The following PCDH9 variants were observed in gnomAD, a reference collection of about 807,000 sequenced individuals.
PCDH9 encodes the protein protocadherin 9, also known as protocadherin-9.
A neutral mutation model predicts 70.6 loss-of-function variants in PCDH9; 24 were observed. That is an observed-to-expected ratio of 0.34 (90% confidence interval 0.25 to 0.48). The LOEUF (loss-of-function observed/expected upper bound fraction) is 0.48. PCDH9 is among the 20% of genes least tolerant of loss of function. The pLI, the probability that PCDH9 is intolerant of heterozygous loss-of-function variation, is 0.99. For synonymous variants in PCDH9, 562 were observed against 558.5 expected, an observed-to-expected ratio of 1.01 and a Z score of -0.09; for missense variants, 1,281 against 1,503.6, an observed-to-expected ratio of 0.85 and a Z score of 2.45.
chr13:66,303,398 A>C lies in PCDH9; in HGVS notation c.*1257T>G, dbSNP rs901765564. On this transcript the variant is annotated 3_prime_UTR_variant, in exon 5 of 5. Transcript: ENST00000377865. Reference sequence around the variant, plus strand: ...TGATAACAAACAGTTAAACAGCAATAATTAGAGATTTATCCCTTTATTTCC... The same window carrying C: ...TGATAACAAACAGTTAAACAGCAATCATTAGAGATTTATCCCTTTATTTCC... 1.3e-5 allele frequency: 2 copies of C among 152,494 alleles called. No individual in the cohort carries two copies. The highest frequency in any genetic ancestry group is 4.8e-5 in the African/African-American group (2 of 41,444). The allele number at this position is 152,494 out of a possible 1,614,324, so 9.4% of individuals were successfully genotyped here. A position where few individuals can be genotyped will look rare whatever the true frequency, so the allele number is the denominator to read the frequency against.
At chr13:66,557,601 T>C (rs1961790778) in intron 4 of PCDH9, among the ~76,000 whole-genome samples, 1 of 152,194 alleles carries the variant, frequency 6.6e-6, no homozygotes, top group Non-Finnish European at 1.5e-5. Context: ...TTGCCCTCTG[T>C]ACTGGTTACA....
intron 3 of PCDH9, among the ~76,000 whole-genome samples, chr13:66,720,565 G>A (rs1464596094): frequency 1.3e-5 from 2 of 151,920 alleles, no homozygotes; most frequent in East Asian, 1.9e-4. Context: ...ATAAAAAATG[G>A]ACACTTTTTT....
chr13:66,800,102 G>A (rs2080302255), intron 3 of PCDH9, among the ~76,000 whole-genome samples: 1 of 151,994 alleles, frequency 6.6e-6, no homozygotes, highest in African/African-American at 2.4e-5. Flanking sequence ...ATAATATTTA[G>A]AATAAAATCC....
chr13:66,710,072 A>C (rs1180896669), intron 3 of PCDH9, among the ~76,000 whole-genome samples: 3 of 152,192 alleles, frequency 2.0e-5, no homozygotes, highest in African/African-American at 7.2e-5. Context: ...GAAGTTTACA[A>C]AAAGGAATAA....
intron 3 of PCDH9, among the ~76,000 whole-genome samples, chr13:66,653,515 A>C (rs1009836868): frequency 1.7e-4 from 26 of 152,146 alleles, no homozygotes; most frequent in Admixed American, 1.4e-3. Context: ...GCCATAACAA[A>C]ATGCTGGCGA....
chr13:67,018,271 AAATT>A (rs148670255), intron 2 of PCDH9, among the ~76,000 whole-genome samples: 1,680 of 152,300 alleles, frequency 0.011, 13 homozygotes, highest in Middle Eastern at 0.048. Context: ...ATAAATGGGT[AAATT>A]AATTGATTAA....
At chr13:66,483,092 G>C (rs1397487427) in intron 4 of PCDH9, among the ~76,000 whole-genome samples, 1 of 152,106 alleles carries the variant, frequency 6.6e-6, no homozygotes, top group Non-Finnish European at 1.5e-5. Context: ...AATATTCTTT[G>C]TGACTCATGT....
At chr13:66,577,463 T>C (rs1005368996) in intron 4 of PCDH9, among the ~76,000 whole-genome samples, 5 of 152,008 alleles carry the variant, frequency 3.3e-5, no homozygotes, top group Admixed American at 2.0e-4. Flanking sequence ...CAATATTATA[T>C]GAACTCTATA....
chr13:66,810,428 T>A (rs1481694534), intron 3 of PCDH9, among the ~76,000 whole-genome samples: 1 of 152,044 alleles, frequency 6.6e-6, no homozygotes, highest in East Asian at 1.9e-4. Context: ...GGATACGTCA[T>A]TTAAGTTCTC....
At chr13:67,045,369 T>A (rs2085202804) in intron 2 of PCDH9, among the ~76,000 whole-genome samples, 1 of 152,112 alleles carries the variant, frequency 6.6e-6, no homozygotes, top group South Asian at 2.1e-4. Context: ...TTCAGTCCTT[T>A]CTCTTTTCCA....
chr13:66,485,788 C>A (rs1958929203), intron 4 of PCDH9, among the ~76,000 whole-genome samples: 1 of 151,704 alleles, frequency 6.6e-6, no homozygotes, highest in Non-Finnish European at 1.5e-5. Flanking sequence ...GTTTCCCAGG[C>A]TGGAGTGCAA....
chr13:67,006,247 A>AAAC (rs1352010639), intron 2 of PCDH9, among the ~76,000 whole-genome samples: 3 of 149,804 alleles, frequency 2.0e-5, no homozygotes, highest in Non-Finnish European at 4.5e-5. Flanking sequence ...AACAAACAAA[A>AAAC]AAATTGGATC....
At chr13:66,439,361 A>T (rs553469751) in intron 4 of PCDH9, among the ~76,000 whole-genome samples, 1 of 152,204 alleles carries the variant, frequency 6.6e-6, no homozygotes, top group Non-Finnish European at 1.5e-5. Flanking sequence ...TAAAAAATAA[A>T]GTACATCCTG....
chr13:67,161,929 A>C (rs2087973884), intron 2 of PCDH9, among the ~76,000 whole-genome samples: 2 of 152,174 alleles, frequency 1.3e-5, no homozygotes, highest in Non-Finnish European at 2.9e-5. Context: ...GATAACTGTG[A>C]TATTCTGTGG....
intron 3 of PCDH9, among the ~76,000 whole-genome samples, chr13:66,820,995 A>T (rs1322652196): frequency 1.3e-5 from 2 of 151,968 alleles, no homozygotes; most frequent in East Asian, 1.9e-4. Context: ...CTTAAAATTT[A>T]AAAAAAATTT....
At chr13:67,031,152 A>C (rs1178804233) in intron 2 of PCDH9, among the ~76,000 whole-genome samples, 1 of 152,182 alleles carries the variant, frequency 6.6e-6, no homozygotes, top group Non-Finnish European at 1.5e-5. Context: ...TTCCAGCCAT[A>C]AACGACATTG....
intron 3 of PCDH9, among the ~76,000 whole-genome samples, chr13:66,740,044 T>A (rs1373401285): frequency 4.6e-5 from 7 of 151,438 alleles, no homozygotes; most frequent in Admixed American, 4.6e-4. Flanking sequence ...ATACATTTTT[T>A]CAGCACCACA....
chr13:66,312,530 T>G (rs1955580133), intron 4 of PCDH9, among the ~76,000 whole-genome samples: 1 of 151,640 alleles, frequency 6.6e-6, no homozygotes, highest in Non-Finnish European at 1.5e-5. Context: ...AAGGATTGCT[T>G]GAGCTGGGAG....
chr13:66,980,562 A>G (rs1214970135), intron 2 of PCDH9, among the ~76,000 whole-genome samples: 1 of 152,060 alleles, frequency 6.6e-6, no homozygotes, highest in African/African-American at 2.4e-5. Context: ...TCTTGATTTG[A>G]TATAAAATTG....
Sources: allele counts gnomAD v4.1 joint callset (sites outside exome capture counted in the v4.1 genomes callset), GRCh38; gene constraint gnomAD v4.1.1; transcripts MANE v1.5; gene names NCBI Gene and HGNC (gene_info 2026-07-23, HGNC 2026-07-21).